The following DLGAP5 variants were observed in gnomAD, a reference collection of about 807,000 sequenced individuals.
DLGAP5 encodes DLG associated protein 5, also known as disks large-associated protein 5.
A neutral mutation model predicts 99.6 loss-of-function variants in DLGAP5; 90 were observed. That is an observed-to-expected ratio of 0.90 (90% CI 0.76 to 1.08). The LOEUF (loss-of-function observed/expected upper bound fraction) is 1.08. Ranked by LOEUF, DLGAP5 falls within the 50% of genes least tolerant of loss-of-function variation. The pLI is 0.00. For synonymous variants in DLGAP5, 311 were observed against 321.3 expected (o/e 0.97, Z 0.34); for missense variants, 1,036 against 983.5 (o/e 1.05, Z -0.71).
At chr14:55,190,156 G>A (rs1239258784) in intron 1 of DLGAP5, among the ~76,000 whole-genome samples, 1 of 152,050 alleles carries the variant, frequency 6.6e-6, no homozygotes. Flanking sequence ...AGTTTAGGCC[G>A]GCACGGTGGC....
chr14:55,169,840 TGGTGGCTCATGCCTGCGGGCGC>T (rs1311028972), intron 11 of DLGAP5, among the ~76,000 whole-genome samples: 2 of 152,144 alleles, frequency 1.3e-5, no homozygotes, highest in East Asian at 1.9e-4. Flanking sequence ...TCAGCCGGTG[TGGTGGCTCATGCCTGCGGGCGC>T]GGTGGCTCAT....
intron 12 of DLGAP5, among the ~76,000 whole-genome samples, chr14:55,164,890 C>G (rs1163598828): frequency 6.9e-6 from 1 of 143,892 alleles, no homozygotes; most frequent in African/African-American, 2.6e-5. Flanking sequence ...CCACTGCACT[C>G]TAGCCTGGGC....
At chr14:55,171,866 CAAATACTACA>C (rs1643553653) in intron 10 of DLGAP5, among the ~76,000 whole-genome samples, 1 of 152,134 alleles carries the variant, frequency 6.6e-6, no homozygotes, top group Non-Finnish European at 1.5e-5. Flanking sequence ...TAAAACAAGA[CAAATACTACA>C]TAATTCTACT....
chr14:55,188,043 G>T (rs1266695280), intron 2 of DLGAP5, among the ~76,000 whole-genome samples: 1 of 152,132 alleles, frequency 6.6e-6, no homozygotes, highest in Non-Finnish European at 1.5e-5. Context: ...ACTTTAATTT[G>T]AAAGATTTTT....
chr14:55,161,793 G>C (rs1317106521), intron 13 of DLGAP5, among the ~76,000 whole-genome samples: 1 of 131,288 alleles, frequency 7.6e-6, no homozygotes, highest in Non-Finnish European at 1.5e-5. Flanking sequence ...AGAATCACTT[G>C]AACTCAGGAG....
At position 55,177,335 on chromosome 14, in the gene DLGAP5, C is replaced by T. The variant is rs779615298; in HGVS notation, c.776G>A (p.Gly259Asp). 4 of 1,583,472 alleles carry T rather than the reference C, an allele frequency of 2.5e-6. No individual in the cohort carries two copies. Among genetic ancestry groups the T allele is most frequent in the East Asian group, 4.5e-5 (2 of 44,354 alleles). Residue 259 changes from glycine to aspartate, a missense_variant and splice_region_variant, in exon 8 of 19, where the codon GGT (glycine) becomes GAT (aspartate). Transcript: ENST00000247191. Reference protein sequence around the residue: ...AKNVETKPDKGISCKVDSEEN... With the variant: ...AKNVETKPDKDISCKVDSEEN... ...TTCACTATCGACTTTACAAGAAATA[C>T]CCTAGGATGTGAGTTAACAAAGTAG... is the stretch of plus-strand genomic sequence containing the variant.
intron 10 of DLGAP5, among the ~76,000 whole-genome samples, chr14:55,171,957 G>C (rs1371185048): frequency 6.6e-6 from 1 of 152,132 alleles, no homozygotes; most frequent in Non-Finnish European, 1.5e-5. Flanking sequence ...GGCTAGGAGG[G>C]AATGGCTGAG....
intron 1 of DLGAP5, among the ~76,000 whole-genome samples, chr14:55,190,572 GCT>G (rs1202470461): frequency 1.3e-5 from 2 of 152,104 alleles, no homozygotes; most frequent in African/African-American, 4.8e-5. Context: ...TAAGGGGGAG[GCT>G]CTGTGATAGA....
intron 13 of DLGAP5, among the ~76,000 whole-genome samples, chr14:55,159,131 A>G (rs529440157): frequency 6.6e-6 from 1 of 152,280 alleles, no homozygotes; most frequent in East Asian, 1.9e-4. Flanking sequence ...TGACACCTAA[A>G]CCAATCTTCA....
chr14:55,164,112 T>C (rs1473686292), intron 12 of DLGAP5, among the ~76,000 whole-genome samples: 2 of 152,198 alleles, frequency 1.3e-5, no homozygotes, highest in Non-Finnish European at 2.9e-5. Context: ...TTGGTAACCA[T>C]GCTTTTAGTC....
In DLGAP5 at chr14:55,180,726, T is replaced by G; in HGVS notation, c.633A>C (p.Gln211His). The G allele has an allele frequency of 6.2e-7, 1 of 1,614,176 alleles. No individual in the cohort carries two copies. The highest frequency in any genetic ancestry group is 8.5e-7 in the Non-Finnish European group (1 of 1,180,028). ...TSLRMTRSAT[Q>H]AAKQVPRTVS... The stretch of plus-strand genomic sequence containing the variant: ...CTGTTCTGGGAACCTGCTTTGCTGC[T>G]TGAGTAGCTGATCGAGTCATTCTCA... Residue 211 changes from glutamine to histidine, a missense_variant, in exon 6 of 19, where the codon CAA becomes CAC. Physicochemically the swap from Gln to His is conservative, Grantham distance 24 (BLOSUM62 0). Transcript: ENST00000247191.
chr14:55,148,321 G>A lies in DLGAP5; in HGVS notation c.*30C>T, dbSNP rs1481107875. 1 of 1,607,636 alleles carries A rather than the reference G, an allele frequency of 6.2e-7. No homozygotes were observed. Among genetic ancestry groups the A allele is most frequent in the Non-Finnish European group, 8.5e-7 (1 of 1,175,678 alleles). On this transcript the variant is annotated 3_prime_UTR_variant, in exon 19 of 19. Coordinates refer to ENST00000247191, the MANE Select transcript of DLGAP5 (RefSeq NM_014750.5). The stretch of plus-strand genomic sequence containing the variant: ...AGGAATATATAAGCATTGATAATAT[G>A]AAGGAAAATGTTTGGATTTATTTTT...
intron 13 of DLGAP5, among the ~76,000 whole-genome samples, chr14:55,162,078 T>C (rs1882464174): frequency 6.6e-6 from 1 of 151,754 alleles, no homozygotes; most frequent in African/African-American, 2.4e-5. Context: ...CAATGCTTAG[T>C]TTGAAAAGTG....
intron 11 of DLGAP5, among the ~76,000 whole-genome samples, chr14:55,169,828 C>G (rs1038765210): frequency 6.6e-6 from 1 of 152,180 alleles, no homozygotes; most frequent in Admixed American, 6.6e-5. Flanking sequence ...AAGAACTCAA[C>G]GTCAGCCGGT....
intron 15 of DLGAP5, among the ~76,000 whole-genome samples, chr14:55,153,413 C>A (rs966068813): frequency 6.6e-6 from 1 of 151,632 alleles, no homozygotes; most frequent in Non-Finnish European, 1.5e-5. Flanking sequence ...TGGTGACATG[C>A]GCCTGTAGTC....
At chr14:55,160,116 T>C (rs1882364755) in intron 13 of DLGAP5, among the ~76,000 whole-genome samples, 1 of 151,348 alleles carries the variant, frequency 6.6e-6, no homozygotes, top group Admixed American at 6.6e-5. Context: ...AGGTGGGAGA[T>C]TGCTTGAACC....
Position 55,152,586 on chromosome 14 carries a change from T to A in DLGAP5, c.2121+4A>T. On this transcript the variant is annotated splice_donor_region_variant and intron_variant, in intron 16 of 18. Coordinates refer to ENST00000247191, the MANE Select transcript of DLGAP5 (RefSeq NM_014750.5). ...CTATCTAACCACACTGGAATTGTAC[T>A]TACATGATTTTCTTCAATTAAATCT... 1 of 1,600,190 alleles carries A rather than the reference T, an allele frequency of 6.2e-7. No homozygotes were observed. Among genetic ancestry groups the A allele is most frequent in the South Asian group, 1.1e-5 (1 of 87,790 alleles).
chr14:55,162,763 C>T (rs899859408), intron 13 of DLGAP5, among the ~76,000 whole-genome samples: 2 of 152,048 alleles, frequency 1.3e-5, no homozygotes, highest in East Asian at 1.9e-4. Flanking sequence ...TTATGTTGAT[C>T]GATTTCCTTG....
chr14:55,151,428 G>A (rs1882013418), intron 17 of DLGAP5, among the ~76,000 whole-genome samples: 1 of 152,018 alleles, frequency 6.6e-6, no homozygotes, highest in Non-Finnish European at 1.5e-5. Context: ...TGGTACATGT[G>A]TAGGAGAATC....
Sources: gnomAD v4.1 joint callset for allele counts (sites outside exome capture counted in the v4.1 genomes callset) on GRCh38, gnomAD v4.1.1 for gene constraint, MANE v1.5 for transcripts, NCBI Gene and HGNC (gene_info 2026-07-23, HGNC 2026-07-21) for gene names.